Variants in GALNTL6 observed in about 807,000 individuals in gnomAD.
The protein encoded by GALNTL6 is polypeptide N-acetylgalactosaminyltransferase-like 6.
A neutral mutation model predicts 73.7 loss-of-function variants in GALNTL6; 46 were observed. The ratio of observed to expected loss-of-function variants is 0.62; its 90% confidence interval spans 0.49 to 0.80. The LOEUF is 0.80. Ranked by LOEUF, GALNTL6 falls within the 30% of genes least tolerant of loss-of-function variation. The pLI is 0.00. For synonymous variants in GALNTL6, 259 were observed against 263.7 expected, an observed-to-expected ratio of 0.98 and a Z score of 0.17; for missense variants, 604 against 755.0, an observed-to-expected ratio of 0.80 and a Z score of 2.34.
chr4:171,923,564 A>ATTT lies in GALNTL6; in HGVS notation c.138+108859_138+108861dup, dbSNP rs33929033. On this transcript the variant is annotated intron_variant, in intron 2 of 12. Transcript: ENST00000506823. Reference sequence around the variant, plus strand: ...AGGTGCCCGGCACCACTCCCGGCTAATTTTTTTTTTTTTTTGTATTTTTAG... The same window carrying ATTT: ...AGGTGCCCGGCACCACTCCCGGCTAATTTTTTTTTTTTTTTTTTGTATTTTTAG... Among the ~76,000 whole-genome samples the ATTT allele has an allele frequency of 0.015, 2,061 of 137,818 alleles. 111 individuals are homozygous for ATTT. The East Asian group carries it at 0.19, about 13-fold the overall frequency. 90.4% of individuals were successfully genotyped at this position (137,818 alleles called of 152,430 possible). A position where few individuals can be genotyped will look rare whatever the true frequency, so the allele number is the denominator to read the frequency against.
intron 5 of GALNTL6, among the ~76,000 whole-genome samples, chr4:172,646,566 A>G (rs1740251810): frequency 6.6e-6 from 1 of 152,060 alleles, no homozygotes; most frequent in Non-Finnish European, 1.5e-5. Flanking sequence ...TATAATGGTT[A>G]GTACTACATA....
chr4:172,709,596 G>A (rs758079859), intron 5 of GALNTL6, among the ~76,000 whole-genome samples: 7 of 152,112 alleles, frequency 4.6e-5, no homozygotes, highest in Non-Finnish European at 8.8e-5. Context: ...AAGTGCCTGA[G>A]CTGTCAGCAA....
chr4:172,325,314 T>C (rs1408058825), intron 4 of GALNTL6, among the ~76,000 whole-genome samples: 1 of 151,952 alleles, frequency 6.6e-6, no homozygotes, highest in Non-Finnish European at 1.5e-5. Context: ...TGTGGAACTA[T>C]AAAACATTAA....
intron 5 of GALNTL6, among the ~76,000 whole-genome samples, chr4:172,447,945 A>T (rs562775841): frequency 6.7e-4 from 102 of 152,364 alleles, no homozygotes; most frequent in African/African-American, 2.4e-3. Context: ...AAATAAGAAC[A>T]TATTAACTTA....
At chr4:171,983,448 T>A (rs551242454) in intron 2 of GALNTL6, among the ~76,000 whole-genome samples, 38 of 151,072 alleles carry the variant, frequency 2.5e-4, no homozygotes, top group Non-Finnish European at 4.9e-4. Flanking sequence ...TAAGGCCAGC[T>A]TCAGAGGCAT....
intron 2 of GALNTL6, among the ~76,000 whole-genome samples, chr4:172,040,817 TTTG>T (rs1382869484): frequency 1.3e-5 from 2 of 152,224 alleles, no homozygotes; most frequent in South Asian, 2.1e-4. Flanking sequence ...ATCATAATTA[TTTG>T]TTATTATCTT....
intron 5 of GALNTL6, among the ~76,000 whole-genome samples, chr4:172,776,412 CT>C (rs910447168): frequency 2.6e-5 from 4 of 152,098 alleles, no homozygotes; most frequent in African/African-American, 9.7e-5. Context: ...ATATTTGTAG[CT>C]TAAAAAACAA....
intron 5 of GALNTL6, among the ~76,000 whole-genome samples, chr4:172,725,661 A>G (rs1206976679): frequency 6.6e-6 from 1 of 152,204 alleles, no homozygotes; most frequent in African/African-American, 2.4e-5. Context: ...ATAGGCTTAG[A>G]GTTTCTTGAC....
At chr4:172,135,530 A>C (rs1169738810) in intron 2 of GALNTL6, among the ~76,000 whole-genome samples, 1 of 152,128 alleles carries the variant, frequency 6.6e-6, no homozygotes, top group Non-Finnish European at 1.5e-5. Flanking sequence ...TCAATTGAGA[A>C]TTGAGAAGCA....
chr4:172,087,024 C>G (rs115276194), intron 2 of GALNTL6, among the ~76,000 whole-genome samples: 2,881 of 152,178 alleles, frequency 0.019, 39 homozygotes, highest in Middle Eastern at 0.034. Flanking sequence ...CAGTTCCTAC[C>G]GTGTATTGTG....
At chr4:172,492,453 G>A (rs575798632) in intron 5 of GALNTL6, among the ~76,000 whole-genome samples, 23 of 152,184 alleles carry the variant, frequency 1.5e-4, no homozygotes, top group Middle Eastern at 3.4e-3. Flanking sequence ...ATGTACAATA[G>A]TATTCAATAT....
intron 2 of GALNTL6, among the ~76,000 whole-genome samples, chr4:172,120,829 A>G (rs535455928): frequency 1.3e-4 from 20 of 151,952 alleles, no homozygotes; most frequent in African/African-American, 4.6e-4. Flanking sequence ...CTGAACCAAT[A>G]GCAGAAGGGT....
At chr4:172,158,909 A>G (rs1030619170) in intron 2 of GALNTL6, among the ~76,000 whole-genome samples, 13 of 152,238 alleles carry the variant, frequency 8.5e-5, no homozygotes, top group African/African-American at 2.7e-4. Flanking sequence ...AATATGAATG[A>G]CCATGTGAAT....
intron 5 of GALNTL6, among the ~76,000 whole-genome samples, chr4:172,499,535 T>C (rs551469252): frequency 2.0e-5 from 3 of 152,324 alleles, no homozygotes; most frequent in African/African-American, 7.2e-5. Context: ...AGTTTCATAA[T>C]ATAATATCCA....
intron 5 of GALNTL6, among the ~76,000 whole-genome samples, chr4:172,488,701 A>C (rs1360106587): frequency 3.3e-5 from 5 of 152,134 alleles, no homozygotes; most frequent in Non-Finnish European, 7.3e-5. Flanking sequence ...ACCTAGATTC[A>C]ATTCAGTGAG....
chr4:172,976,948 C>A (rs1172889479), intron 10 of GALNTL6, among the ~76,000 whole-genome samples: 1 of 152,218 alleles, frequency 6.6e-6, no homozygotes, highest in Non-Finnish European at 1.5e-5. Context: ...GCTCAGAAAT[C>A]CAGGTGTGAG....
At position 172,813,586 on chromosome 4, in the gene GALNTL6, T is replaced by C. The variant is rs563381918; in HGVS notation, c.786T>C (p.Asp262=). 6.2e-7 allele frequency: 1 copy of C among 1,612,688 alleles called. No homozygotes were observed. Among genetic ancestry groups the C allele is most frequent in the Admixed American group, 1.7e-5 (1 of 59,972 alleles). Reference sequence around the variant, plus strand: ...AAACCATCGTGTGTCCCATGATCGATGTCATTGACCACAATCACTTCGGGT... The same window carrying C: ...AAACCATCGTGTGTCCCATGATCGACGTCATTGACCACAATCACTTCGGGT... ...NHKTIVCPMI[D]VIDHNHFGYE... The change falls in exon 7 of 13, where the codon GAT becomes GAC. Residue 262 remains aspartate (D), a synonymous_variant. Coordinates refer to ENST00000506823, the MANE Select transcript of GALNTL6 (RefSeq NM_001034845.3).
At chr4:171,975,561 T>C (rs907236764) in intron 2 of GALNTL6, among the ~76,000 whole-genome samples, 1 of 152,096 alleles carries the variant, frequency 6.6e-6, no homozygotes, top group Non-Finnish European at 1.5e-5. Flanking sequence ...AGTTTTTCAT[T>C]GAATTGGAAC....
At chr4:172,352,722 A>G (rs1314435942) in intron 5 of GALNTL6, among the ~76,000 whole-genome samples, 2 of 152,058 alleles carry the variant, frequency 1.3e-5, no homozygotes, top group East Asian at 3.9e-4. Flanking sequence ...CACTTTCCTT[A>G]ATGCAAGTAT....
Sources: gnomAD v4.1 joint callset for allele counts (sites outside exome capture counted in the v4.1 genomes callset) on GRCh38, gnomAD v4.1.1 for gene constraint, MANE v1.5 for transcripts, NCBI Gene and HGNC (gene_info 2026-07-23, HGNC 2026-07-21) for gene names.